SDCCAG8: variants seen among roughly 807,000 people sequenced by gnomAD.
The protein encoded by SDCCAG8 is serologically defined colon cancer antigen 8.
A neutral mutation model predicts 101.8 loss-of-function variants in SDCCAG8; 74 were observed. That is an observed-to-expected ratio of 0.73 (90% CI 0.60 to 0.88). The LOEUF is 0.88. Among genes scored for constraint, SDCCAG8 ranks in the 40% least tolerant of loss-of-function variants. The pLI is 0.00. For synonymous variants in SDCCAG8, 281 were observed against 292.9 expected (o/e 0.96, Z 0.41); for missense variants, 787 against 822.6 (o/e 0.96, Z 0.53).
At chr1:243,331,386 G>T (rs2074580747) in intron 10 of SDCCAG8, among the ~76,000 whole-genome samples, 1 of 152,118 alleles carries the variant, frequency 6.6e-6, no homozygotes, top group Non-Finnish European at 1.5e-5. Flanking sequence ...TTTAAAAGTG[G>T]ACTCACAGCT....
intron 13 of SDCCAG8, among the ~76,000 whole-genome samples, chr1:243,389,150 T>C (rs1301967543): frequency 5.2e-3 from 606 of 116,634 alleles, no homozygotes; most frequent in African/African-American, 6.4e-3. Flanking sequence ...CTGTCCCCCC[T>C]CCCCCCCCCA....
chr1:243,320,063 T>G (rs12145004), intron 9 of SDCCAG8, among the ~76,000 whole-genome samples: 15,047 of 152,218 alleles, frequency 0.099, 983 homozygotes, highest in Non-Finnish European at 0.14. Flanking sequence ...ACACATTCAC[T>G]CTCCCAAATC....
intron 8 of SDCCAG8, among the ~76,000 whole-genome samples, chr1:243,310,457 A>G (rs2072614145): frequency 6.6e-6 from 1 of 152,142 alleles, no homozygotes; most frequent in South Asian, 2.1e-4. Flanking sequence ...TTGCCTGTTT[A>G]TATTTGAAAA....
chr1:243,489,481 G>A (rs1040257877), intron 17 of SDCCAG8, among the ~76,000 whole-genome samples: 4 of 152,210 alleles, frequency 2.6e-5, no homozygotes, highest in African/African-American at 9.6e-5. Context: ...GCTTTTTGGA[G>A]GATGGTGGCC....
chr1:243,413,601 GT>G, intron 13 of SDCCAG8, among the ~76,000 whole-genome samples: 1 of 152,210 alleles, frequency 6.6e-6, no homozygotes, highest in African/African-American at 2.4e-5. Flanking sequence ...GTAAGTACCA[GT>G]TTGTGATGGG....
chr1:243,323,778 A>G (rs1287706221), intron 9 of SDCCAG8, among the ~76,000 whole-genome samples: 1 of 152,154 alleles, frequency 6.6e-6, no homozygotes, highest in Non-Finnish European at 1.5e-5. Context: ...TACCAAACCC[A>G]GTGACCTCAT....
chr1:243,475,748 C>T (rs1013192036), intron 16 of SDCCAG8, among the ~76,000 whole-genome samples: 2 of 152,164 alleles, frequency 1.3e-5, no homozygotes, highest in African/African-American at 2.4e-5. Flanking sequence ...TCTTTGTCAC[C>T]TTCCTCAAGG....
At chr1:243,409,640 G>A (rs1249788613) in intron 13 of SDCCAG8, among the ~76,000 whole-genome samples, 5 of 152,102 alleles carry the variant, frequency 3.3e-5, no homozygotes, top group Admixed American at 2.0e-4. Context: ...AAAGCCACGT[G>A]AACAATAGAG....
chr1:243,488,507 C>G (rs568933932), intron 16 of SDCCAG8: 2 of 198,042 alleles, frequency 1.0e-5, no homozygotes, highest in South Asian at 9.3e-5. Context: ...AGAGGAGCGC[C>G]CATCAGCAGA....
intron 12 of SDCCAG8, among the ~76,000 whole-genome samples, chr1:243,362,342 C>G (rs1465238555): frequency 2.2e-4 from 30 of 137,360 alleles, no homozygotes; most frequent in Admixed American, 3.6e-4. Context: ...ATAGGTGGGT[C>G]AAGAGATGGC....
chr1:243,465,327 A>G (rs1403450590), intron 16 of SDCCAG8, among the ~76,000 whole-genome samples: 1 of 152,220 alleles, frequency 6.6e-6, no homozygotes, highest in African/African-American at 2.4e-5. Flanking sequence ...CATCTGAGAC[A>G]GGCCTGGAGC....
chr1:243,497,919 C>T (rs567306127), intron 17 of SDCCAG8, among the ~76,000 whole-genome samples: 8 of 152,266 alleles, frequency 5.3e-5, no homozygotes, highest in Non-Finnish European at 8.8e-5. Flanking sequence ...TGGACTCAAG[C>T]GATCCTATTG....
At chr1:243,411,895 C>A (rs1396652671) in intron 13 of SDCCAG8, among the ~76,000 whole-genome samples, 2 of 152,154 alleles carry the variant, frequency 1.3e-5, no homozygotes, top group East Asian at 1.9e-4. Flanking sequence ...CCATAACTAC[C>A]AAGAAATTCT....
Position 243,271,038 on chromosome 1 carries a change from CAAG to C in SDCCAG8, c.290_292del (p.Arg97del), listed in dbSNP as rs751190536. On this transcript the variant is annotated inframe_deletion, in exon 3 of 18. Transcript: ENST00000366541. ...GATAAGGAAAGTGAAGTATCTCCGT[CAAG>C]AAGAAGAAAAATGTCCCCCTTGGTA... The C allele has an allele frequency of 1.2e-5, 20 of 1,612,682 alleles. No homozygotes were observed. The highest frequency in any genetic ancestry group is 3.3e-5 in the South Asian group (3 of 91,064).
At chr1:243,456,252 G>C (rs1188658081) in intron 16 of SDCCAG8, among the ~76,000 whole-genome samples, 1 of 152,154 alleles carries the variant, frequency 6.6e-6, no homozygotes, top group African/African-American at 2.4e-5. Context: ...ATCGGGTTCT[G>C]CTCTCATCCT....
intron 9 of SDCCAG8, chr1:243,318,151 A>G: frequency 2.2e-6 from 1 of 451,674 alleles, no homozygotes; most frequent in South Asian, 1.6e-5. Flanking sequence ...TGGAACATGG[A>G]CACCATGGAA....
At chr1:243,288,207 G>A (rs917571075) in intron 5 of SDCCAG8, among the ~76,000 whole-genome samples, 1 of 152,120 alleles carries the variant, frequency 6.6e-6, no homozygotes, top group African/African-American at 2.4e-5. Context: ...TCTTACGCAT[G>A]TAATTTCAGC....
At chr1:243,309,999 G>T (rs1354011410) in intron 8 of SDCCAG8, among the ~76,000 whole-genome samples, 1 of 152,036 alleles carries the variant, frequency 6.6e-6, no homozygotes, top group African/African-American at 2.4e-5. Flanking sequence ...GAGTAGCTGG[G>T]ACTATAGGCG....
intron 7 of SDCCAG8, 183 bp downstream of exon 7, chr1:243,304,960 A>C (rs2071937613): frequency 3.4e-6 from 2 of 582,160 alleles, no homozygotes; most frequent in East Asian, 3.0e-5. Flanking sequence ...TTCTTTTCCA[A>C]ATCACGTTCC....
Sources: gnomAD v4.1 joint callset for allele counts (sites outside exome capture counted in the v4.1 genomes callset) on GRCh38, gnomAD v4.1.1 for gene constraint, MANE v1.5 for transcripts, NCBI Gene and HGNC (gene_info 2026-07-23, HGNC 2026-07-21) for gene names.